TJP2: variants seen among roughly 807,000 people sequenced by gnomAD.
TJP2 encodes the protein Friedreich ataxia region gene X104 (tight junction protein ZO-2).
Under a neutral mutation model 133.1 loss-of-function variants are expected in TJP2, and 91 were observed. The observed-to-expected ratio is 0.68, with a 90% CI of 0.58 to 0.81. The LOEUF is 0.81. Ranked by LOEUF, TJP2 falls within the 40% of genes least tolerant of loss-of-function variation. The pLI, the probability that TJP2 is intolerant of heterozygous loss-of-function variation, is 0.00. For missense variants in TJP2, 1,541 were observed against 1,565.6 expected, an observed-to-expected ratio of 0.98 and a Z score of 0.26; for synonymous variants, 592 against 583.4, an observed-to-expected ratio of 1.01 and a Z score of -0.21.
At chr9:69,233,889 C>T (rs575789289) in intron 11 of TJP2, among the ~76,000 whole-genome samples, 1 of 152,230 alleles carries the variant, frequency 6.6e-6, no homozygotes, top group East Asian at 1.9e-4. Context: ...TTGATACATA[C>T]CTTTCAATTT....
chr9:69,229,139 CTT>C lies in TJP2; in HGVS notation c.1454-44_1454-43del, dbSNP rs748520607. 9 of 1,565,656 alleles carry C rather than the reference CTT, an allele frequency of 5.7e-6. No individual in the cohort carries two copies. In the African/African-American group the frequency reaches 8.1e-5, roughly 14 times the overall value. ...TGATTTTTCTATTTAGAAACGCACTCTTGTTAGTCCAGATTGATAACAGTAGA... is the reference window on the plus strand; with the variant it reads ...TGATTTTTCTATTTAGAAACGCACTCGTTAGTCCAGATTGATAACAGTAGA... On this transcript the variant is annotated intron_variant, in intron 9 of 22. Transcript: ENST00000377245.
intron 1 of TJP2, among the ~76,000 whole-genome samples, chr9:69,194,297 C>T (rs1826401770): frequency 1.3e-5 from 2 of 152,176 alleles, no homozygotes; most frequent in South Asian, 4.2e-4. Context: ...GCATTCTGCT[C>T]ATGGTTGCAG....
chr9:69,145,822 A>G (rs1395295933), intron 1 of TJP2: 1 of 1,231,324 alleles, frequency 8.1e-7, no homozygotes, highest in Non-Finnish European at 1.0e-6. Flanking sequence ...CAACCTGGGT[A>G]AGCAGAGGAG....
rs2282335 is a variant in TJP2, at chr9:69,251,016, G to A, written c.2992-19G>A. ...AAACTTAAAAGCCCAGGGTGAAAAC[G>A]TGTCATTGCTCTCCGCAGGCCAAAA... On this transcript the variant is annotated intron_variant, in intron 20 of 22. Transcript: ENST00000377245. The A allele has an allele frequency of 0.37, 602,087 of 1,608,104 alleles. 115,526 individuals are homozygous for A. Among genetic ancestry groups the A allele is most frequent in the African/African-American group, 0.45 (33,877 of 74,770 alleles).
chr9:69,200,778 TA>T, intron 1 of TJP2, among the ~76,000 whole-genome samples: 1 of 152,072 alleles, frequency 6.6e-6, no homozygotes, highest in African/African-American at 2.4e-5. Context: ...TTCCTAAATG[TA>T]CTAAGCTTGT....
intron 2 of TJP2, chr9:69,151,806 A>C (rs1823490416): frequency 8.1e-7 from 1 of 1,231,962 alleles, no homozygotes; most frequent in African/African-American, 1.6e-5. Context: ...CAACCTAGTT[A>C]CTGGTCTCCC....
intron 1 of TJP2, among the ~76,000 whole-genome samples, chr9:69,182,150 A>G (rs1389521660): frequency 6.6e-6 from 1 of 152,200 alleles, no homozygotes. Context: ...CTGGTGTAAA[A>G]TCACTGCTGT....
At chr9:69,207,783 G>C (rs1827551045) in intron 1 of TJP2, among the ~76,000 whole-genome samples, 1 of 152,184 alleles carries the variant, frequency 6.6e-6, no homozygotes, top group Non-Finnish European at 1.5e-5. Flanking sequence ...TAGTTTGAAT[G>C]TCAGGACCAC....
intron 1 of TJP2, among the ~76,000 whole-genome samples, chr9:69,135,305 G>A (rs933372281): frequency 2.0e-5 from 3 of 152,120 alleles, no homozygotes; most frequent in Admixed American, 6.6e-5. Context: ...ATCTCACTAG[G>A]TATGGCCATT....
At chr9:69,223,618 T>C (rs1288273422) in intron 5 of TJP2, among the ~76,000 whole-genome samples, 3 of 151,796 alleles carry the variant, frequency 2.0e-5, no homozygotes, top group Non-Finnish European at 2.9e-5. Context: ...ATGAGTGCAT[T>C]TTTTAAGAGG....
At chr9:69,177,429 T>G (rs1825175429) in intron 1 of TJP2, among the ~76,000 whole-genome samples, 1 of 152,228 alleles carries the variant, frequency 6.6e-6, no homozygotes, top group Admixed American at 6.5e-5. Context: ...TTGTTAAGGT[T>G]TAAAAAGCTA....
chr9:69,231,196 G>A (rs138644745), intron 11 of TJP2, among the ~76,000 whole-genome samples: 1 of 151,930 alleles, frequency 6.6e-6, no homozygotes, highest in African/African-American at 2.4e-5. Flanking sequence ...CGCAACCTCC[G>A]CCTCCTGGGT....
At chr9:69,250,869 G>A (rs1391169762) in intron 20 of TJP2, among the ~76,000 whole-genome samples, 166 bp from the exon 21 acceptor site, 1 of 152,182 alleles carries the variant, frequency 6.6e-6, no homozygotes, top group Non-Finnish European at 1.5e-5. Flanking sequence ...GGCTCAGGAA[G>A]CCTGGCCAGT....
intron 4 of TJP2, among the ~76,000 whole-genome samples, chr9:69,219,078 T>C (rs1169123946): frequency 6.6e-6 from 1 of 152,082 alleles, no homozygotes; most frequent in South Asian, 2.1e-4. Flanking sequence ...CAAGCGATTC[T>C]CCTGCCTCAG....
At chr9:69,200,597 T>G (rs922930291) in intron 1 of TJP2, among the ~76,000 whole-genome samples, 1 of 152,194 alleles carries the variant, frequency 6.6e-6, no homozygotes, top group Non-Finnish European at 1.5e-5. Context: ...TCTTGCTTTG[T>G]TGCCTAGCCC....
At chr9:69,237,369 G>C (rs923731943) in intron 14 of TJP2, among the ~76,000 whole-genome samples, 1 of 152,184 alleles carries the variant, frequency 6.6e-6, no homozygotes, top group Non-Finnish European at 1.5e-5. Context: ...CACTGTTCAA[G>C]AGTTTCGGTA....
rs201502981 is a variant in TJP2, at chr9:69,163,020, AT to A, written c.-10+11253del. 3.3e-4 allele frequency among the ~76,000 whole-genome samples: 28 copies of A among 86,014 alleles called. 5 individuals are homozygous for A. Among genetic ancestry groups the A allele is most frequent in the Admixed American group, 7.1e-4 (5 of 7,010 alleles). The allele number at this position is 86,014 out of a possible 152,430, so 56.4% of individuals were successfully genotyped here. A position where few individuals can be genotyped will look rare whatever the true frequency, so the allele number is the denominator to read the frequency against. ...TAATTATTTTTTAAAAAGTATCTTT[AT>A]TTTATTTTATTTTTTTTTTTTTGAG... On this transcript the variant is annotated intron_variant, in intron 2 of 5. Transcript: ENST00000423935.
Position 69,236,135 on chromosome 9 carries a change from G to A in TJP2, c.1888G>A (p.Val630Ile). The A allele has an allele frequency of 6.2e-7, 1 of 1,614,170 alleles. No individual in the cohort carries two copies. The highest frequency in any genetic ancestry group is 1.1e-5 in the South Asian group (1 of 91,076). Residue 630 changes from valine (V) to isoleucine (I), a missense_variant, in exon 13 of 23, where the codon GTC (valine) becomes ATC (isoleucine). Val to Ile is a conservative substitution (Grantham distance 29). Transcript: ENST00000377245. ...PQSLAFTRGEVFRVVDTLYDG... is the reference protein window; with the variant it reads ...PQSLAFTRGEIFRVVDTLYDG... ...GAGCCTGGCCTTCACCAGAGGGGAG[G>A]TCTTCCGAGTGGTAGACACACTGTA...
chr9:69,157,568 C>CG (rs1823837214), intron 2 of TJP2, among the ~76,000 whole-genome samples: 2 of 151,650 alleles, frequency 1.3e-5, no homozygotes, highest in African/African-American at 4.8e-5. Context: ...CGGGTTCAAG[C>CG]AATTCTCCTG....
Sources: allele counts gnomAD v4.1 joint callset (sites outside exome capture counted in the v4.1 genomes callset), GRCh38; gene constraint gnomAD v4.1.1; transcripts MANE v1.5; gene names NCBI Gene and HGNC (gene_info 2026-07-23, HGNC 2026-07-21).